NFIC: variants seen among roughly 807,000 people sequenced by gnomAD.
NFIC encodes nuclear factor I C.
Under a neutral mutation model 54.4 loss-of-function variants are expected in NFIC, and 12 were observed. The ratio of observed to expected loss-of-function variants is 0.22; its 90% CI spans 0.14 to 0.36. The LOEUF is 0.36. Among genes scored for constraint, NFIC ranks in the 10% least tolerant of loss-of-function variants. The probability of loss-of-function intolerance (pLI) is 1.00; values close to 1 mark genes in which losing one functional copy is unlikely to be tolerated. For synonymous variants in NFIC, 322 were observed against 319.2 expected (o/e 1.01, Z -0.09); for missense variants, 575 against 718.2 (o/e 0.80, Z 2.28).
At position 3,370,084 on chromosome 19, in the gene NFIC, A is replaced by G. The variant is rs892491581; in HGVS notation, c.30+3418A>G. Among the ~76,000 whole-genome samples, 9 of 152,082 alleles carry G rather than the reference A, an allele frequency of 5.9e-5. No individual in the cohort carries two copies. The highest frequency in any genetic ancestry group is 2.0e-4 in the Admixed American group (3 of 15,280). Reference sequence around the variant, plus strand: ...GGGGGAGGCAGCAGGGCCCAGGCCCAGTGTAGGTTCTTAGAGGGAGCTTGG... The same window carrying G: ...GGGGGAGGCAGCAGGGCCCAGGCCCGGTGTAGGTTCTTAGAGGGAGCTTGG... On this transcript the variant is annotated intron_variant, in intron 1 of 10. Transcript: ENST00000443272. This position sits in a 1 kb window ranked among gnomAD's most constrained non-coding sequence, Gnocchi z 5.2.
rs79850031 is a variant in NFIC, at chr19:3,434,881, C to T, written c.834-202C>T. Among the ~76,000 whole-genome samples the T allele has an allele frequency of 7.9e-3, 1,203 of 152,340 alleles. 16 individuals are homozygous for T. The highest frequency in any genetic ancestry group is 0.028 in the African/African-American group (1,157 of 41,574). Reference sequence around the variant, plus strand: ...GTTGAGACCCTCCCTGCCTCTGGCCCGGGTGTCCCATCCAAGCAATGGACA... The same window carrying T: ...GTTGAGACCCTCCCTGCCTCTGGCCTGGGTGTCCCATCCAAGCAATGGACA... On this transcript the variant is annotated intron_variant, in intron 5 of 10. Transcript: ENST00000443272.
rs1319747793 is a variant in NFIC, at chr19:3,452,448, C to T, written c.1085-34C>T. 1 of 1,606,250 alleles carries T rather than the reference C, an allele frequency of 6.2e-7. No homozygotes were observed. Among genetic ancestry groups the T allele is most frequent in the Non-Finnish European group, 8.5e-7 (1 of 1,178,858 alleles). On this transcript the variant is annotated intron_variant, in intron 7 of 10. Transcript: ENST00000443272. This position sits in a 1 kb window ranked among gnomAD's most constrained non-coding sequence, Gnocchi z 5.3. ...GTCACAGAGCAGACCGGCTGGAGCC[C>T]CCAAGTAACCCCCGCTTCCCACTGT... is the stretch of plus-strand genomic sequence containing the variant.
intron 5 of NFIC, 123 bp downstream of exon 5, chr19:3,434,523 G>A: frequency 7.2e-7 from 1 of 1,382,974 alleles, no homozygotes; most frequent in Non-Finnish European, 9.6e-7. Context: ...CCTGGCCTGA[G>A]AAACTCCTAC....
intron 1 of NFIC, among the ~76,000 whole-genome samples, chr19:3,359,860 C>T (rs990896059): frequency 6.6e-6 from 1 of 150,728 alleles, no homozygotes; most frequent in African/African-American, 2.4e-5. Flanking sequence ...CACGATCCCC[C>T]CCCGCACCCC....
At chr19:3,426,865 C>G (rs1365667555) in intron 3 of NFIC, among the ~76,000 whole-genome samples, 2 of 152,088 alleles carry the variant, frequency 1.3e-5, no homozygotes, top group Non-Finnish European at 2.9e-5. Flanking sequence ...CAAATGCCCC[C>G]TTCTCAGAGA....
At chr19:3,386,841 AC>A (rs2081304565) in intron 2 of NFIC, among the ~76,000 whole-genome samples, 2 of 152,122 alleles carry the variant, frequency 1.3e-5, no homozygotes, top group Admixed American at 1.3e-4. Context: ...CGGTGTGGTC[AC>A]CTTCTGGCAG....
chr19:3,440,122 G>A (rs747664716), intron 6 of NFIC, among the ~76,000 whole-genome samples: 2 of 152,130 alleles, frequency 1.3e-5, no homozygotes, highest in African/African-American at 4.8e-5. Flanking sequence ...GGATTTATCC[G>A]CAGGGAAGAT....
chr19:3,379,733 G>A (rs72974711), intron 1 of NFIC, among the ~76,000 whole-genome samples: 1,789 of 129,950 alleles, frequency 0.014, 26 homozygotes, highest in Middle Eastern at 0.018. Flanking sequence ...GTTGTCACCC[G>A]GGCTGGAGAT....
At chr19:3,447,007 CAA>C (rs1208542904) in intron 6 of NFIC, among the ~76,000 whole-genome samples, 1 of 151,618 alleles carries the variant, frequency 6.6e-6, no homozygotes, top group Non-Finnish European at 1.5e-5. Context: ...GCCTGGGTGA[CAA>C]ATAACTCGGC....
chr19:3,385,579 T>G (rs982302944), intron 2 of NFIC, among the ~76,000 whole-genome samples: 30 of 148,868 alleles, frequency 2.0e-4, no homozygotes, highest in Non-Finnish European at 3.9e-4. Context: ...TGTTGTTTTT[T>G]TTTTTTTTTT....
intron 1 of NFIC, among the ~76,000 whole-genome samples, chr19:3,379,681 T>C (rs55952610): frequency 2.0e-5 from 1 of 51,256 alleles, no homozygotes; most frequent in South Asian, 5.6e-4. Flanking sequence ...TTCTTTTTTT[T>C]TTTTTTTTTT....
intron 3 of NFIC, 106 bp downstream of exon 3, chr19:3,425,283 G>T: frequency 7.5e-7 from 1 of 1,337,220 alleles, no homozygotes; most frequent in South Asian, 1.4e-5. Context: ...CAGATGAGCA[G>T]ACTGAGGCTC....
In NFIC at chr19:3,377,095, G is replaced by A. The variant is rs376144501; in HGVS notation, c.31-4617G>A. 4.6e-5 allele frequency among the ~76,000 whole-genome samples: 7 copies of A among 151,330 alleles called. 1 individual carries two copies. In the South Asian group the frequency reaches 6.3e-4, roughly 14 times the overall value. On this transcript the variant is annotated intron_variant, in intron 1 of 10. Transcript: ENST00000443272. ...AGTAGCCCCAGCACTTTGGGAGGCC[G>A]AGGCAGGCGGATCACGAGGTCAGGA... is the stretch of plus-strand genomic sequence containing the variant.
At chr19:3,363,604 CAT>C (rs1491108775), upstream of NFIC, among the ~76,000 whole-genome samples, 1 of 151,708 alleles carries the variant, frequency 6.6e-6, no homozygotes, top group African/African-American at 2.4e-5. Context: ...GGTGTGTGTG[CAT>C]GTGTGTGTAT....
intron 2 of NFIC, among the ~76,000 whole-genome samples, chr19:3,408,596 A>G (rs1244771429): frequency 2.0e-5 from 3 of 152,026 alleles, no homozygotes; most frequent in African/African-American, 7.3e-5. Context: ...TGCAGCACGC[A>G]CCACCACACC....
rs1463992105 is a variant in NFIC, at chr19:3,452,769, T to G, written c.1269+103T>G. 3.6e-6 allele frequency: 5 copies of G among 1,394,426 alleles called. No homozygotes were observed. In the Admixed American group the frequency reaches 1.2e-4, roughly 32 times the overall value. 86.4% of individuals were successfully genotyped at this position (1,394,426 alleles called of 1,614,324 possible). Reference sequence around the variant, plus strand: ...GCACAACCTCTGCTTAAAAGGGTCTTGAGGACTTGGCTCTGAAGTCCCCTC... The same window carrying G: ...GCACAACCTCTGCTTAAAAGGGTCTGGAGGACTTGGCTCTGAAGTCCCCTC... On this transcript the variant is annotated intron_variant, in intron 8 of 10. Transcript: ENST00000443272. This position sits in a 1 kb window ranked among gnomAD's most constrained non-coding sequence, Gnocchi z 5.3.
intron 6 of NFIC, among the ~76,000 whole-genome samples, chr19:3,442,116 C>A (rs1292818744): frequency 6.6e-6 from 1 of 152,252 alleles, no homozygotes; most frequent in Non-Finnish European, 1.5e-5. Context: ...CCAGGCCCCA[C>A]ATTCCAGCCT....
At position 3,467,870 on chromosome 19, in the gene NFIC, G is replaced by A. The variant is rs563528650; in HGVS notation, c.*5101G>A. ...GTCTGGATTCTCTCTCTGAGACCCC[G>A]GATTTTACTTTCTCTTTGGAGGGCG... On this transcript the variant is annotated 3_prime_UTR_variant, in exon 11 of 11. Coordinates refer to ENST00000443272, the MANE Select transcript of NFIC (RefSeq NM_001245002.2). The A allele has an allele frequency of 2.4e-4, 35 of 148,788 alleles. No individual in the cohort carries two copies. The highest frequency in any genetic ancestry group is 4.3e-4 in the Non-Finnish European group (29 of 67,564). 9.2% of individuals were successfully genotyped at this position (148,788 alleles called of 1,614,324 possible).
intron 2 of NFIC, among the ~76,000 whole-genome samples, chr19:3,393,944 T>C (rs953929476): frequency 6.6e-6 from 1 of 151,894 alleles, no homozygotes; most frequent in African/African-American, 2.4e-5. Flanking sequence ...TAAGTAATGT[T>C]AATTTTTTTT....
Sources: gnomAD v4.1 joint callset for allele counts (sites outside exome capture counted in the v4.1 genomes callset) on GRCh38, gnomAD v4.1.1 for gene constraint, Gnocchi (gnomAD v3.1) non-coding constraint, MANE v1.5 for transcripts, NCBI Gene and HGNC (gene_info 2026-07-23, HGNC 2026-07-21) for gene names.